Variants in MYO3B observed in about 807,000 individuals in gnomAD.
MYO3B encodes the protein myosin-IIIb.
A neutral mutation model predicts 174.6 loss-of-function variants in MYO3B; 156 were observed. The observed-to-expected ratio is 0.89, with a 90% confidence interval of 0.78 to 1.02. MYO3B has a LOEUF of 1.02. Ranked by LOEUF, MYO3B falls within the 50% of genes least tolerant of loss-of-function variation. The pLI, the probability that MYO3B is intolerant of heterozygous loss-of-function variation, is 0.00. For synonymous variants in MYO3B, 563 were observed against 569.1 expected, an observed-to-expected ratio of 0.99 and a Z score of 0.15; for missense variants, 1,632 against 1,639.4, an observed-to-expected ratio of 1.00 and a Z score of 0.08.
chr2:170,647,341 C>A (rs908489863), intron 32 of MYO3B, among the ~76,000 whole-genome samples: 3 of 152,124 alleles, frequency 2.0e-5, no homozygotes, highest in Admixed American at 2.0e-4. Context: ...TCCACAAAAT[C>A]CAGCAAAGTA....
intron 32 of MYO3B, among the ~76,000 whole-genome samples, chr2:170,639,719 A>AAGAT (rs1290177971): frequency 6.6e-6 from 1 of 152,196 alleles, no homozygotes; most frequent in Non-Finnish European, 1.5e-5. Context: ...TTTTGCTTTA[A>AAGAT]AGATAGTCTC....
chr2:170,376,181 C>T (rs1364815565), intron 9 of MYO3B, among the ~76,000 whole-genome samples: 2 of 152,108 alleles, frequency 1.3e-5, no homozygotes, highest in Non-Finnish European at 2.9e-5. Flanking sequence ...AAGACATAGC[C>T]TTAAGTTCAG....
At chr2:170,183,544 C>G (rs983711629) in intron 1 of MYO3B, among the ~76,000 whole-genome samples, 3 of 152,090 alleles carry the variant, frequency 2.0e-5, no homozygotes, top group African/African-American at 7.2e-5. Flanking sequence ...TTTCTAGATG[C>G]TAATTTTATA....
At chr2:170,445,001 G>T (rs559330912) in intron 23 of MYO3B, among the ~76,000 whole-genome samples, 20 of 152,280 alleles carry the variant, frequency 1.3e-4, no homozygotes, top group African/African-American at 4.6e-4. Flanking sequence ...CTCTAAAGTT[G>T]CTGCAAACTC....
At chr2:170,216,119 T>C (rs542853663) in intron 5 of MYO3B, among the ~76,000 whole-genome samples, 1 of 35,194 alleles carries the variant, frequency 2.8e-5, no homozygotes, top group African/African-American at 1.2e-4. Flanking sequence ...ATAAAGAGAA[T>C]GTCCGCAGTC....
intron 7 of MYO3B, among the ~76,000 whole-genome samples, chr2:170,305,209 C>T (rs544049599): frequency 2.6e-5 from 4 of 152,228 alleles, no homozygotes; most frequent in Admixed American, 6.5e-5. Flanking sequence ...TTCTCTGTCA[C>T]GGTGTAGGAT....
chr2:170,583,392 C>T (rs761177479), intron 32 of MYO3B, among the ~76,000 whole-genome samples: 7 of 152,136 alleles, frequency 4.6e-5, no homozygotes, highest in African/African-American at 9.7e-5. Flanking sequence ...TTGCCTCCAC[C>T]GTTCCCTTGG....
intron 22 of MYO3B, among the ~76,000 whole-genome samples, chr2:170,431,819 A>G (rs2094711413): frequency 6.6e-6 from 1 of 152,172 alleles, no homozygotes; most frequent in African/African-American, 2.4e-5. Flanking sequence ...CCCTCCACAA[A>G]ACTACAATCC....
At chr2:170,571,072 A>T (rs1049142965) in intron 32 of MYO3B, among the ~76,000 whole-genome samples, 1 of 152,164 alleles carries the variant, frequency 6.6e-6, no homozygotes, top group Non-Finnish European at 1.5e-5. Flanking sequence ...TATAGATTTA[A>T]TTTTTCAGGC....
At chr2:170,346,859 G>A (rs2094020374) in intron 8 of MYO3B, among the ~76,000 whole-genome samples, 1 of 152,170 alleles carries the variant, frequency 6.6e-6, no homozygotes, top group Non-Finnish European at 1.5e-5. Context: ...GCTGTGTTAA[G>A]GAGGATTCTG....
chr2:170,580,718 A>ATATGTGTGTGTGTG (rs768974458), intron 32 of MYO3B, among the ~76,000 whole-genome samples: 8 of 142,700 alleles, frequency 5.6e-5, no homozygotes, highest in African/African-American at 2.1e-4. Context: ...AACCTTATAT[A>ATATGTGTGTGTGTG]TGTGTGTGTG....
chr2:170,440,743 A>G (rs1279058759), intron 22 of MYO3B, among the ~76,000 whole-genome samples: 1 of 146,842 alleles, frequency 6.8e-6, no homozygotes, highest in East Asian at 2.0e-4. Flanking sequence ...ACAGAGTGAG[A>G]CTCTGTCTGA....
At chr2:170,307,533 T>A (rs929851638) in intron 7 of MYO3B, among the ~76,000 whole-genome samples, 6 of 152,182 alleles carry the variant, frequency 3.9e-5, no homozygotes, top group Non-Finnish European at 8.8e-5. Flanking sequence ...ACTGTGAAAT[T>A]CTATTTTAGT....
rs73975649 is a variant in MYO3B at position 170,425,959 on chromosome 2, A to G, written c.2651-18008A>G. ...AAACATTTAGCATGGTATGTACAAC[A>G]TTGTAAACCCTCAAAAAATGTTAGT... On this transcript the variant is annotated intron_variant, in intron 22 of 34. Transcript: ENST00000408978. Among the ~76,000 whole-genome samples the G allele has an allele frequency of 7.8e-3, 1,181 of 152,298 alleles. 23 individuals carry two copies. The highest frequency in any genetic ancestry group is 0.027 in the African/African-American group (1,108 of 41,562).
chr2:170,446,769 A>G (rs72878243), intron 23 of MYO3B, among the ~76,000 whole-genome samples: 9,860 of 152,256 alleles, frequency 0.065, 416 homozygotes, highest in Non-Finnish European at 0.083. Context: ...TGAGACCTCT[A>G]TAACAAAAAG....
intron 3 of MYO3B, among the ~76,000 whole-genome samples, chr2:170,214,037 A>G (rs2092801592): frequency 6.6e-6 from 1 of 152,222 alleles, no homozygotes. Context: ...ATAAGTTGCC[A>G]TTATTATTTA....
chr2:170,314,495 G>A (rs183853151), intron 7 of MYO3B, among the ~76,000 whole-genome samples: 45 of 152,256 alleles, frequency 3.0e-4, no homozygotes, highest in Middle Eastern at 6.8e-3. Flanking sequence ...TCCCTTGGTT[G>A]TGCTCTCATC....
intron 7 of MYO3B, among the ~76,000 whole-genome samples, chr2:170,239,694 A>G (rs1459915507): frequency 6.6e-6 from 1 of 152,202 alleles, no homozygotes; most frequent in East Asian, 1.9e-4. Context: ...TGCAGTACAC[A>G]ATTCAAAAAA....
At chr2:170,250,384 A>G (rs143792813) in intron 7 of MYO3B, among the ~76,000 whole-genome samples, 218 of 152,316 alleles carry the variant, frequency 1.4e-3, no homozygotes, top group African/African-American at 5.1e-3. Context: ...ACTGTCTTAA[A>G]CCAGTAGCTT....
Sources: allele counts gnomAD v4.1 joint callset (sites outside exome capture counted in the v4.1 genomes callset), GRCh38; gene constraint gnomAD v4.1.1; transcripts MANE v1.5; gene names NCBI Gene and HGNC (gene_info 2026-07-23, HGNC 2026-07-21).